The following FOCAD variants were observed in gnomAD, a reference collection of about 807,000 sequenced individuals.
The protein encoded by FOCAD is focadhesin, also known as KIAA1797.
A neutral mutation model predicts 225.6 loss-of-function variants in FOCAD; 198 were observed. The ratio of observed to expected loss-of-function variants is 0.88; its 90% confidence interval spans 0.78 to 0.99. FOCAD has a LOEUF of 0.99. Ranked by LOEUF, FOCAD falls within the 50% of genes least tolerant of loss-of-function variation. FOCAD has a pLI of 0.00. For synonymous variants in FOCAD, 897 were observed against 755.0 expected, an observed-to-expected ratio of 1.19 and a Z score of -3.08; for missense variants, 2,713 against 2,123.6, an observed-to-expected ratio of 1.28 and a Z score of -5.46.
At chr9:20,800,468 A>G (rs1426651518) in intron 11 of FOCAD, among the ~76,000 whole-genome samples, 1 of 152,048 alleles carries the variant, frequency 6.6e-6, no homozygotes, top group African/African-American at 2.4e-5. Flanking sequence ...CATTCTCCCC[A>G]TCACTTTCAG....
In FOCAD at chr9:20,848,280, G is replaced by T. The variant is rs533613339; in HGVS notation, c.1921-14298G>T. Among the ~76,000 whole-genome samples, 112 of 152,100 alleles carry T rather than the reference G, an allele frequency of 7.4e-4. 1 individual carries two copies. Among genetic ancestry groups the T allele is most frequent in the Non-Finnish European group, 1.4e-3 (93 of 67,956 alleles). On this transcript the variant is annotated intron_variant, in intron 15 of 43. Transcript: ENST00000338382. ...AGACTGAGTGGGGAAACGCAGCAAGGCCTGTCCAGTTAAATTCTTCTTGGT... is the reference window on the plus strand; with the variant it reads ...AGACTGAGTGGGGAAACGCAGCAAGTCCTGTCCAGTTAAATTCTTCTTGGT...
chr9:20,978,110 C>T (rs192755533), intron 36 of FOCAD, among the ~76,000 whole-genome samples: 2 of 152,142 alleles, frequency 1.3e-5, no homozygotes, highest in African/African-American at 4.8e-5. Flanking sequence ...GAGAAATTCC[C>T]ATATCTAGTT....
intron 1 of FOCAD, among the ~76,000 whole-genome samples, chr9:20,707,144 C>T (rs1051428078): frequency 6.6e-6 from 1 of 152,192 alleles, no homozygotes; most frequent in Non-Finnish European, 1.5e-5. Flanking sequence ...ATAGCAGTCT[C>T]TTCCACATCA....
At chr9:20,852,424 A>T (rs1827748457) in intron 15 of FOCAD, among the ~76,000 whole-genome samples, 1 of 150,986 alleles carries the variant, frequency 6.6e-6, no homozygotes, top group Non-Finnish European at 1.5e-5. Flanking sequence ...TTGTTTATCC[A>T]TGAAGAATTC....
chr9:20,778,368 G>A (rs941944828), intron 8 of FOCAD, among the ~76,000 whole-genome samples: 7 of 151,972 alleles, frequency 4.6e-5, no homozygotes, highest in Non-Finnish European at 8.8e-5. Flanking sequence ...GAGTAGCTGG[G>A]AAATTAGCCT....
chr9:20,863,792 T>C (rs1828991918), intron 16 of FOCAD, among the ~76,000 whole-genome samples: 1 of 152,128 alleles, frequency 6.6e-6, no homozygotes, highest in African/African-American at 2.4e-5. Flanking sequence ...TGGGTATATT[T>C]ACTTTCTGTC....
intron 24 of FOCAD, among the ~76,000 whole-genome samples, chr9:20,922,342 G>GT (rs1259825761): frequency 1.0e-5 from 1 of 97,888 alleles, no homozygotes; most frequent in Non-Finnish European, 2.7e-5. Flanking sequence ...ACATTGAGGT[G>GT]GGGGGGTGGT....
chr9:20,771,771 CAAAT>C (rs1252868508), intron 8 of FOCAD, among the ~76,000 whole-genome samples: 2 of 152,246 alleles, frequency 1.3e-5, no homozygotes, highest in Admixed American at 6.5e-5. Context: ...CATAAATAAA[CAAAT>C]AAAATTATTT....
chr9:20,745,381 C>T (rs1365721413), intron 5 of FOCAD, among the ~76,000 whole-genome samples: 2 of 152,140 alleles, frequency 1.3e-5, no homozygotes, highest in Non-Finnish European at 2.9e-5. Flanking sequence ...TGAGCCATGG[C>T]ACTGGGCCTG....
intron 4 of FOCAD, among the ~76,000 whole-genome samples, chr9:20,736,614 C>G (rs371925134): frequency 2.6e-5 from 4 of 152,134 alleles, no homozygotes; most frequent in South Asian, 4.1e-4. Context: ...ACTCTGATGC[C>G]TGTGCTTACA....
chr9:20,881,982 T>C lies in FOCAD; in HGVS notation c.2429T>C (p.Val810Ala), dbSNP rs767100604. 1 of 1,613,846 alleles carries C rather than the reference T, an allele frequency of 6.2e-7. No individual in the cohort carries two copies. Among genetic ancestry groups the C allele is most frequent in the African/African-American group, 1.3e-5 (1 of 74,910 alleles). ...GCCCGCTCAGACCAAGGAAAGACTG[T>C]AGCAGGAATCCCCAATTTTATATTG... ...GGARSDQGKT[V>A]AGIPNFILKM... The change falls in exon 20 of 44, where the codon GTA (valine) becomes GCA (alanine). Residue 810 changes from valine to alanine, a missense_variant. Coordinates refer to ENST00000338382, the MANE Select transcript of FOCAD (RefSeq NM_001375567.1).
intron 21 of FOCAD, among the ~76,000 whole-genome samples, chr9:20,902,673 G>T (rs1474952252): frequency 6.6e-6 from 1 of 151,832 alleles, no homozygotes; most frequent in Non-Finnish European, 1.5e-5. Flanking sequence ...ATCTAGGCAG[G>T]AATCAGATAG....
In FOCAD at chr9:20,986,266, A is replaced by ATTTTTTTTTTTTT. The variant is rs545976303; in HGVS notation, c.4729-17_4729-5dup. ...CAGTTAATTTAATAGTAACTAAACA[A>ATTTTTTTTTTTTT]TTTTTTTTTTTTTTTTTGCAGAGCA... On this transcript the variant is annotated intron_variant, in intron 39 of 43. Transcript: ENST00000338382. 2.2e-3 allele frequency: 1,551 copies of ATTTTTTTTTTTTT among 709,668 alleles called. 446 individuals carry two copies. Among genetic ancestry groups the ATTTTTTTTTTTTT allele is most frequent in the South Asian group, 3.2e-3 (110 of 34,476 alleles). The allele number at this position is 709,668 out of a possible 1,614,324, so 44.0% of individuals were successfully genotyped here. A position where few individuals can be genotyped will look rare whatever the true frequency, so the allele number is the denominator to read the frequency against.
intron 4 of FOCAD, among the ~76,000 whole-genome samples, chr9:20,738,771 C>G (rs1263927471): frequency 6.6e-6 from 1 of 152,102 alleles, no homozygotes; most frequent in African/African-American, 2.4e-5. Context: ...GCCACAAATG[C>G]AAGCCACATA....
intron 4 of FOCAD, among the ~76,000 whole-genome samples, chr9:20,733,965 T>C (rs1376406131): frequency 1.3e-5 from 2 of 152,188 alleles, no homozygotes; most frequent in Non-Finnish European, 2.9e-5. Context: ...GAGCTATGAT[T>C]GCACCACTGT....
At chr9:20,867,970 A>G (rs1199620548) in intron 18 of FOCAD, among the ~76,000 whole-genome samples, 1 of 152,042 alleles carries the variant, frequency 6.6e-6, no homozygotes, top group Admixed American at 6.6e-5. Flanking sequence ...GATTGAAAAT[A>G]GGCTGTTGTA....
At chr9:20,661,606 TC>T (rs1821727284) in intron 2 of FOCAD, among the ~76,000 whole-genome samples, 1 of 152,192 alleles carries the variant, frequency 6.6e-6, no homozygotes, top group Non-Finnish European at 1.5e-5. Context: ...CTATCTCTCT[TC>T]CTACTGTTTT....
chr9:20,764,782 T>A, intron 6 of FOCAD, 87 bp from the exon 7 acceptor site: 1 of 982,348 alleles, frequency 1.0e-6, no homozygotes, highest in Non-Finnish European at 1.6e-6. Flanking sequence ...TTATGTTATG[T>A]CATGAACTAT....
At chr9:20,754,530 G>T (rs1259728518) in intron 5 of FOCAD, among the ~76,000 whole-genome samples, 1 of 151,104 alleles carries the variant, frequency 6.6e-6, no homozygotes, top group Non-Finnish European at 1.5e-5. Flanking sequence ...GTTAGGAAAG[G>T]TGAAACTGGA....
Sources: allele counts gnomAD v4.1 joint callset (sites outside exome capture counted in the v4.1 genomes callset), GRCh38; gene constraint gnomAD v4.1.1; transcripts MANE v1.5; gene names NCBI Gene and HGNC (gene_info 2026-07-23, HGNC 2026-07-21).